RIMS3: variants seen among roughly 807,000 people sequenced by gnomAD.
The protein encoded by RIMS3 is regulating synaptic membrane exocytosis protein 3.
In RIMS3, 15 loss-of-function variants were observed where a neutral mutation model predicts 29.2. The ratio of observed to expected loss-of-function variants is 0.51; its 90% CI spans 0.34 to 0.79. The LOEUF is 0.79. RIMS3 is among the 30% of genes least tolerant of loss of function. The pLI is 0.01. For synonymous variants in RIMS3, 161 were observed against 170.1 expected, an observed-to-expected ratio of 0.95 and a Z score of 0.41; for missense variants, 342 against 421.4, an observed-to-expected ratio of 0.81 and a Z score of 1.65.
In RIMS3 at chr1:40,635,304, T is replaced by C. The variant is rs1646512519; in HGVS notation, c.359+612A>G. On this transcript the variant is annotated intron_variant, in intron 4 of 7. Transcript: ENST00000372684. This position sits in a 1 kb window ranked among gnomAD's most constrained non-coding sequence, Gnocchi z 4.1. ...CAACCTACATGTAAGAAAGGAGATT[T>C]AACATCATGACCCAGGACAGACCTG... Among the ~76,000 whole-genome samples the C allele has an allele frequency of 1.3e-5, 2 of 152,216 alleles. No individual in the cohort carries two copies. Among genetic ancestry groups the C allele is most frequent in the Admixed American group, 1.3e-4 (2 of 15,288 alleles).
At chr1:40,644,969 G>C (rs143190031) in intron 2 of RIMS3, among the ~76,000 whole-genome samples, 1 of 152,254 alleles carries the variant, frequency 6.6e-6, no homozygotes, top group African/African-American at 2.4e-5. Context: ...CCAGACAGCT[G>C]AGAATGGTCA....
chr1:40,644,903 G>A (rs1646584775), intron 2 of RIMS3, among the ~76,000 whole-genome samples: 1 of 152,214 alleles, frequency 6.6e-6, no homozygotes, highest in South Asian at 2.1e-4. Flanking sequence ...AGAAAGGGGA[G>A]GGAGAATGGG....
intron 1 of RIMS3, among the ~76,000 whole-genome samples, chr1:40,653,962 C>T (rs1184344628): frequency 6.6e-6 from 1 of 152,100 alleles, no homozygotes; most frequent in African/African-American, 2.4e-5. Context: ...TTCCTAGATG[C>T]GGGATAGCAG....
intron 7 of RIMS3, 121 bp downstream of exon 7, chr1:40,628,689 G>T: frequency 7.5e-7 from 1 of 1,338,356 alleles, no homozygotes; most frequent in Non-Finnish European, 1.1e-6. Context: ...AAGTAAATGA[G>T]TAACGCAAAT....
intron 5 of RIMS3, among the ~76,000 whole-genome samples, chr1:40,630,002 G>C (rs774100445): frequency 1.3e-5 from 2 of 149,896 alleles, no homozygotes; most frequent in Non-Finnish European, 2.9e-5. Flanking sequence ...AACCCAGGAA[G>C]TGGAGGTTGT....
chr1:40,666,726 T>A (rs1642432698), upstream of RIMS3, among the ~76,000 whole-genome samples: 1 of 152,154 alleles, frequency 6.6e-6, no homozygotes, highest in South Asian at 2.1e-4. Flanking sequence ...GCTGAGGGCA[T>A]GAATTAAAAT....
chr1:40,655,029 T>C (rs992077478), intron 1 of RIMS3, among the ~76,000 whole-genome samples: 37 of 152,316 alleles, frequency 2.4e-4, no homozygotes, highest in African/African-American at 8.2e-4. Context: ...CCTTGCCATC[T>C]GCCTTCTCTA....
At chr1:40,628,209 T>TGG (rs1646467346) in intron 7 of RIMS3, among the ~76,000 whole-genome samples, 1 of 152,252 alleles carries the variant, frequency 6.6e-6, no homozygotes. Context: ...GCCCAGAGAC[T>TGG]GATCCACCAC....
intron 1 of RIMS3, among the ~76,000 whole-genome samples, chr1:40,649,320 C>T (rs1254713342): frequency 6.6e-6 from 1 of 152,184 alleles, no homozygotes; most frequent in Non-Finnish European, 1.5e-5. Context: ...CACACCACCC[C>T]CCACTAAGAT....
At chr1:40,653,052 C>T (rs370074700) in intron 1 of RIMS3, among the ~76,000 whole-genome samples, 1 of 152,068 alleles carries the variant, frequency 6.6e-6, no homozygotes, top group African/African-American at 2.4e-5. Flanking sequence ...GAGGTCCTAG[C>T]GGAAAAAGCC....
At chr1:40,627,545 C>G (rs1235114410) in intron 7 of RIMS3, among the ~76,000 whole-genome samples, 1 of 152,066 alleles carries the variant, frequency 6.6e-6, no homozygotes, top group African/African-American at 2.4e-5. Flanking sequence ...CTTTTCTAAG[C>G]AAACACCAAA....
chr1:40,642,235 G>A (rs1336602220), intron 2 of RIMS3, among the ~76,000 whole-genome samples: 1 of 152,170 alleles, frequency 6.6e-6, no homozygotes, highest in East Asian at 1.9e-4. Flanking sequence ...AATTCCAAAG[G>A]CCTCTACACA....
At chr1:40,685,356 T>C in the RIMS3 span, among the ~76,000 whole-genome samples, 4 of 48,314 alleles carry the variant, frequency 8.3e-5, no homozygotes, top group East Asian at 6.4e-4. Flanking sequence ...ATATATATTA[T>C]ATAATATAAT....
At chr1:40,670,574 T>TTATATATA (rs553412097), upstream of RIMS3, among the ~76,000 whole-genome samples, 1,896 of 71,100 alleles carry the variant, frequency 0.027, 104 homozygotes, top group African/African-American at 0.041. Flanking sequence ...AGTTATAATT[T>TTATATATA]TATATATATA....
chr1:40,662,988 C>T (rs1642373142), intron 1 of RIMS3, among the ~76,000 whole-genome samples: 2 of 152,152 alleles, frequency 1.3e-5, no homozygotes, highest in South Asian at 4.1e-4. Context: ...CCAGCAAGCT[C>T]ACCTCCAACC....
At position 40,635,189 on chromosome 1, in the gene RIMS3, CA is replaced by C. The variant is rs1391626760; in HGVS notation, c.359+726del. ...AAGTCACTAGGCCTTGAAGCAGAAG[CA>C]GAAAATCTTAGTCATACAACTATAA... On this transcript the variant is annotated intron_variant, in intron 4 of 7. Coordinates refer to ENST00000372684, the MANE Select transcript of RIMS3 (RefSeq NM_014747.3). This position sits in a 1 kb window ranked among gnomAD's most constrained non-coding sequence, Gnocchi z 4.1. Among the ~76,000 whole-genome samples the C allele has an allele frequency of 1.3e-5, 2 of 152,182 alleles. No homozygotes were observed. The highest frequency in any genetic ancestry group is 4.8e-5 in the African/African-American group (2 of 41,448).
At chr1:40,688,735 G>A in the RIMS3 span, among the ~76,000 whole-genome samples, 80,352 of 152,028 alleles carry the variant, frequency 0.53, 21,612 homozygotes, top group Non-Finnish European at 0.59. Flanking sequence ...CTAATGCTCA[G>A]TGTGGCTTAA....
chr1:40,633,283 G>A (rs764147028), intron 4 of RIMS3, 102 bp from the exon 5 acceptor site: 121 of 802,310 alleles, frequency 1.5e-4, no homozygotes, highest in Middle Eastern at 3.6e-4. Flanking sequence ...CCCTGGGCAC[G>A]TCCCTCTGTG....
the RIMS3 span, among the ~76,000 whole-genome samples, chr1:40,681,036 A>C: frequency 6.6e-6 from 1 of 152,190 alleles, no homozygotes; most frequent in African/African-American, 2.4e-5. Context: ...CAGGGTCCCA[A>C]GAACTTAACC....
Sources: allele counts gnomAD v4.1 joint callset (sites outside exome capture counted in the v4.1 genomes callset), GRCh38; gene constraint gnomAD v4.1.1; non-coding constraint Gnocchi (gnomAD v3.1); transcripts MANE v1.5; gene names NCBI Gene and HGNC (gene_info 2026-07-23, HGNC 2026-07-21).